Variants in CAMK2A observed in about 807,000 individuals in gnomAD.
The protein encoded by CAMK2A is calcium/calmodulin dependent protein kinase II alpha.
In CAMK2A, 7 loss-of-function variants were observed where a neutral mutation model predicts 79.2. The ratio of observed to expected loss-of-function variants is 0.09; its 90% CI spans 0.05 to 0.17. CAMK2A has a LOEUF of 0.17. Among genes scored for constraint, CAMK2A ranks in the 10% least tolerant of loss-of-function variants. The probability of loss-of-function intolerance (pLI) is 1.00; values close to 1 mark genes in which losing one functional copy is unlikely to be tolerated. For missense variants in CAMK2A, 214 were observed against 646.4 expected (o/e 0.33, Z 7.25); for synonymous variants, 242 against 251.7 (o/e 0.96, Z 0.36).
intron 2 of CAMK2A, among the ~76,000 whole-genome samples, chr5:150,267,259 C>T (rs1229415366): frequency 2.6e-5 from 4 of 152,072 alleles, no homozygotes; most frequent in Admixed American, 2.6e-4. Context: ...CCCTACCCCA[C>T]GTCCCATACC....
At chr5:150,233,932 C>T (rs996179258) in intron 15 of CAMK2A, among the ~76,000 whole-genome samples, 3 of 152,312 alleles carry the variant, frequency 2.0e-5, no homozygotes, top group Admixed American at 1.3e-4. Context: ...CCTGCCTCAG[C>T]CTCCTGAGTA....
At chr5:150,272,893 G>A (rs900453085) in intron 2 of CAMK2A, among the ~76,000 whole-genome samples, 172 bp downstream of exon 2, 5 of 151,764 alleles carry the variant, frequency 3.3e-5, no homozygotes, top group Admixed American at 2.6e-4. Context: ...AAAAGGAAAA[G>A]AAGGAAAAAG....
chr5:150,269,954 TG>T (rs1412331676), intron 2 of CAMK2A, among the ~76,000 whole-genome samples: 31 of 152,078 alleles, frequency 2.0e-4, no homozygotes, highest in Admixed American at 7.9e-4. Flanking sequence ...GACTTGTCAC[TG>T]GGGAGCCGAG....
chr5:150,229,140 C>CA (rs564907262), intron 16 of CAMK2A, among the ~76,000 whole-genome samples: 189 of 152,308 alleles, frequency 1.2e-3, no homozygotes, highest in African/African-American at 4.4e-3. Flanking sequence ...TGGAGACACC[C>CA]AGGAGAAGGT....
intron 1 of CAMK2A, among the ~76,000 whole-genome samples, chr5:150,273,441 G>T (rs3797616): frequency 2.0e-5 from 3 of 152,218 alleles, no homozygotes; most frequent in Non-Finnish European, 4.4e-5. Context: ...TTAGAATCAC[G>T]TAGTGTTAGA....
chr5:150,262,694 A>T (rs975477584), intron 3 of CAMK2A, among the ~76,000 whole-genome samples: 1 of 152,198 alleles, frequency 6.6e-6, no homozygotes, highest in African/African-American at 2.4e-5. Flanking sequence ...ACCACACACT[A>T]GGCTTTGTGC....
intron 2 of CAMK2A, among the ~76,000 whole-genome samples, chr5:150,270,172 T>C (rs1756686763): frequency 6.6e-6 from 1 of 152,140 alleles, no homozygotes; most frequent in African/African-American, 2.4e-5. Context: ...TTGTATTAGG[T>C]TGGTGTTAAT....
At chr5:150,260,915 T>A (rs1756280638) in intron 3 of CAMK2A, among the ~76,000 whole-genome samples, 1 of 152,178 alleles carries the variant, frequency 6.6e-6, no homozygotes, top group Non-Finnish European at 1.5e-5. Flanking sequence ...TGGGCCATCA[T>A]CTCTAACCTC....
chr5:150,244,009 AT>A (rs1755456488), intron 13 of CAMK2A, among the ~76,000 whole-genome samples: 1 of 152,244 alleles, frequency 6.6e-6, no homozygotes, highest in South Asian at 2.1e-4. Context: ...AAAGAGTTCA[AT>A]TTGAAAACCA....
intron 2 of CAMK2A, among the ~76,000 whole-genome samples, chr5:150,271,239 A>G (rs1756735027): frequency 6.6e-6 from 1 of 152,136 alleles, no homozygotes; most frequent in African/African-American, 2.4e-5. Flanking sequence ...GCCTTCCACA[A>G]GCTTGGACTT....
At chr5:150,234,854 C>A (rs535321995) in intron 15 of CAMK2A, among the ~76,000 whole-genome samples, 2 of 152,312 alleles carry the variant, frequency 1.3e-5, no homozygotes, top group South Asian at 4.1e-4. Context: ...AAGTTGAAAT[C>A]TGTCCTTCCA....
intron 15 of CAMK2A, among the ~76,000 whole-genome samples, chr5:150,233,646 C>T (rs1488263712): frequency 6.6e-6 from 1 of 152,152 alleles, no homozygotes; most frequent in East Asian, 1.9e-4. Context: ...TCATCCTGCC[C>T]CTTGGACTTG....
chr5:150,225,610 C>G (rs2114016211), intron 17 of CAMK2A, among the ~76,000 whole-genome samples: 1 of 152,256 alleles, frequency 6.6e-6, no homozygotes, highest in Non-Finnish European at 1.5e-5. Context: ...ATTGTAAGTT[C>G]ACACTGGGGG....
At chr5:150,253,927 G>A (rs982310095) in intron 6 of CAMK2A, among the ~76,000 whole-genome samples, 3 of 152,168 alleles carry the variant, frequency 2.0e-5, no homozygotes, top group Admixed American at 6.5e-5. Context: ...AGTGTTCTGC[G>A]TGCATCATCT....
At chr5:150,230,341 G>T (rs3776827) in intron 16 of CAMK2A, among the ~76,000 whole-genome samples, 1 of 95,854 alleles carries the variant, frequency 1.0e-5, no homozygotes, top group African/African-American at 3.2e-5. Flanking sequence ...AAAAAAAAAA[G>T]GGAAAAAAAA....
At position 150,289,764 on chromosome 5, in the gene CAMK2A, C is replaced by T. The variant is rs964144497; in HGVS notation, c.-139G>A. 2.0e-5 allele frequency: 13 copies of T among 639,830 alleles called. No individual in the cohort carries two copies. Among genetic ancestry groups the T allele is most frequent in the African/African-American group, 1.4e-4 (8 of 55,258 alleles). The allele number at this position is 639,830 out of a possible 1,614,324, so 39.6% of individuals were successfully genotyped here. A position where few individuals can be genotyped will look rare whatever the true frequency, so the allele number is the denominator to read the frequency against. On this transcript the variant is annotated 5_prime_UTR_variant, in exon 1 of 19. Coordinates refer to ENST00000671881, the MANE Select transcript of CAMK2A (RefSeq NM_015981.4). ...AGAGAACCGGTTTGACTGACGAGCC[C>T]GGGGCTTCTGAGCAGGGCACTGTGG...
intron 7 of CAMK2A, 105 bp downstream of exon 7, chr5:150,253,339 C>A (rs1206453410): frequency 3.3e-6 from 3 of 899,312 alleles, no homozygotes; most frequent in African/African-American, 1.6e-5. Context: ...GCTGGCCCAA[C>A]AGCATCTCCA....
At chr5:150,252,515 G>C (rs142098632) in intron 7 of CAMK2A, among the ~76,000 whole-genome samples, 1 of 152,150 alleles carries the variant, frequency 6.6e-6, no homozygotes, top group Non-Finnish European at 1.5e-5. Flanking sequence ...ATGGGATGTC[G>C]GGAGGCCTGT....
rs115525384 is a variant in CAMK2A, at chr5:150,284,792, T to C, written c.62+4772A>G. ...TGGACAAACCACTTCTCTCTGAGTG[T>C]TGGCTCCCAGAGACCAAGGCAAGGA... On this transcript the variant is annotated intron_variant, in intron 1 of 18. Transcript: ENST00000671881. The surrounding 1 kb of genome is among the most constrained non-coding windows in gnomAD (Gnocchi z 5.3). Among the ~76,000 whole-genome samples the C allele has an allele frequency of 1.1e-3, 175 of 152,218 alleles. No homozygotes were observed. Among genetic ancestry groups the C allele is most frequent in the African/African-American group, 4.1e-3 (170 of 41,518 alleles).
Sources: gnomAD v4.1 joint callset for allele counts (sites outside exome capture counted in the v4.1 genomes callset) on GRCh38, gnomAD v4.1.1 for gene constraint, Gnocchi (gnomAD v3.1) non-coding constraint, MANE v1.5 for transcripts, NCBI Gene and HGNC (gene_info 2026-07-23, HGNC 2026-07-21) for gene names.